Variants in KHDRBS2 observed in about 807,000 individuals in gnomAD.
KHDRBS2 encodes KH domain-containing, RNA-binding, signal transduction-associated protein 2.
In KHDRBS2, 26 loss-of-function variants were observed where a neutral mutation model predicts 44.3. The observed-to-expected ratio is 0.59, with a 90% CI of 0.43 to 0.81. The LOEUF (loss-of-function observed/expected upper bound fraction) is 0.81. Among genes scored for constraint, KHDRBS2 ranks in the 40% least tolerant of loss-of-function variants. The pLI, the probability that KHDRBS2 is intolerant of heterozygous loss-of-function variation, is 0.00. For missense variants in KHDRBS2, 476 were observed against 433.1 expected, an observed-to-expected ratio of 1.10 and a Z score of -0.88; for synonymous variants, 194 against 151.1, an observed-to-expected ratio of 1.28 and a Z score of -2.08.
At chr6:61,903,837 C>G (rs534881552) in intron 4 of KHDRBS2, among the ~76,000 whole-genome samples, 1 of 152,228 alleles carries the variant, frequency 6.6e-6, no homozygotes, top group South Asian at 2.1e-4. Context: ...AAGAAAGGCT[C>G]CAGTCATCCC....
At chr6:62,055,334 A>G (rs922323440) in intron 2 of KHDRBS2, among the ~76,000 whole-genome samples, 8 of 152,080 alleles carry the variant, frequency 5.3e-5, no homozygotes, top group Non-Finnish European at 7.4e-5. Context: ...TGAGAAATTC[A>G]ATCGCATTAT....
chr6:61,581,962 G>T, the KHDRBS2 span, among the ~76,000 whole-genome samples: 1 of 151,656 alleles, frequency 6.6e-6, no homozygotes, highest in South Asian at 2.1e-4. Flanking sequence ...AGTAACAAGG[G>T]TGTAAAGGGA....
At chr6:61,982,433 A>T (rs1774028184) in intron 3 of KHDRBS2, among the ~76,000 whole-genome samples, 1 of 152,038 alleles carries the variant, frequency 6.6e-6, no homozygotes, top group Non-Finnish European at 1.5e-5. Context: ...GCGCTTTGGG[A>T]GGCTGAGGAG....
intron 6 of KHDRBS2, among the ~76,000 whole-genome samples, chr6:61,822,614 T>C (rs1308542443): frequency 3.9e-5 from 6 of 152,030 alleles, no homozygotes. Flanking sequence ...GTCTAACTTC[T>C]TAAATCACCC....
intron 6 of KHDRBS2, among the ~76,000 whole-genome samples, chr6:61,798,689 G>T (rs1422294124): frequency 6.6e-6 from 1 of 151,846 alleles, no homozygotes; most frequent in African/African-American, 2.4e-5. Flanking sequence ...TTTGGGTAAG[G>T]AGGCATTTTA....
At chr6:62,103,424 G>T (rs1462815230) in intron 2 of KHDRBS2, among the ~76,000 whole-genome samples, 1 of 152,224 alleles carries the variant, frequency 6.6e-6, no homozygotes, top group African/African-American at 2.4e-5. Context: ...ACACTGGCTG[G>T]GCTGCCACAG....
chr6:61,947,214 G>T (rs538758926), intron 4 of KHDRBS2, among the ~76,000 whole-genome samples: 1 of 152,246 alleles, frequency 6.6e-6, no homozygotes, highest in South Asian at 2.1e-4. Flanking sequence ...CAAAATGGAG[G>T]TTCGTGCTCA....
chr6:62,182,296 G>C (rs548103736), intron 1 of KHDRBS2, among the ~76,000 whole-genome samples: 1 of 151,916 alleles, frequency 6.6e-6, no homozygotes, highest in Non-Finnish European at 1.5e-5. Flanking sequence ...TGGTGATGAC[G>C]GGGACTGAGA....
At chr6:62,117,026 T>C (rs991956715) in intron 2 of KHDRBS2, among the ~76,000 whole-genome samples, 1 of 152,220 alleles carries the variant, frequency 6.6e-6, no homozygotes, top group African/African-American at 2.4e-5. Context: ...ACCAATTACA[T>C]ATCTTGGCTA....
At chr6:61,597,773 T>TATATATATATATATAGAC in the KHDRBS2 span, among the ~76,000 whole-genome samples, 1 of 42,330 alleles carries the variant, frequency 2.4e-5, no homozygotes, top group Non-Finnish European at 4.8e-5. Context: ...TATATATATA[T>TATATATATATATATAGAC]ACACCAAGAT....
At chr6:62,102,791 T>C (rs1205480704) in intron 2 of KHDRBS2, among the ~76,000 whole-genome samples, 1 of 151,992 alleles carries the variant, frequency 6.6e-6, no homozygotes, top group Admixed American at 6.6e-5. Context: ...AATCTGGGAG[T>C]GTGTCACTGC....
At chr6:61,986,278 GTGGTTA>G (rs1162163433) in intron 3 of KHDRBS2, among the ~76,000 whole-genome samples, 1 of 152,172 alleles carries the variant, frequency 6.6e-6, no homozygotes, top group Admixed American at 6.5e-5. Context: ...TAACTTGGTT[GTGGTTA>G]TTCAGTTAGT....
At chr6:61,822,834 CAGAAG>C in intron 6 of KHDRBS2, among the ~76,000 whole-genome samples, 2 of 152,142 alleles carry the variant, frequency 1.3e-5, no homozygotes, top group Middle Eastern at 6.8e-3. Context: ...CACATCCCCT[CAGAAG>C]AGATCAGTGT....
chr6:61,747,145 T>G (rs1284172616), intron 6 of KHDRBS2, among the ~76,000 whole-genome samples: 2 of 152,146 alleles, frequency 1.3e-5, no homozygotes, highest in Non-Finnish European at 2.9e-5. Flanking sequence ...AGCTCATCAT[T>G]TCTTTGTGTT....
chr6:61,616,891 A>G, the KHDRBS2 span, among the ~76,000 whole-genome samples: 12 of 152,182 alleles, frequency 7.9e-5, no homozygotes, highest in African/African-American at 2.7e-4. Flanking sequence ...CTCATTTGGA[A>G]TATTATATTT....
intron 3 of KHDRBS2, among the ~76,000 whole-genome samples, chr6:62,026,942 G>T (rs894074826): frequency 4.6e-5 from 7 of 151,054 alleles, no homozygotes; most frequent in African/African-American, 1.7e-4. Context: ...GAATACTTTG[G>T]ATGTAGTTTC....
chr6:61,568,315 C>A, the KHDRBS2 span, among the ~76,000 whole-genome samples: 2 of 151,908 alleles, frequency 1.3e-5, no homozygotes, highest in Admixed American at 6.6e-5. Context: ...ATTTCTTTGG[C>A]TGCTCAGGCT....
intron 3 of KHDRBS2, among the ~76,000 whole-genome samples, chr6:61,985,079 C>T (rs72884453): frequency 0.21 from 31,243 of 151,922 alleles, 3,411 homozygotes; most frequent in Admixed American, 0.28. Flanking sequence ...TACTGGATAA[C>T]GGTATGGGCA....
At chr6:61,633,890 A>G in the KHDRBS2 span, among the ~76,000 whole-genome samples, 2 of 152,010 alleles carry the variant, frequency 1.3e-5, no homozygotes, top group Admixed American at 1.3e-4. Context: ...CTTACATAAT[A>G]CTCATTTGTA....
Sources: allele counts gnomAD v4.1 joint callset (sites outside exome capture counted in the v4.1 genomes callset), GRCh38; gene constraint gnomAD v4.1.1; transcripts MANE v1.5; gene names NCBI Gene and HGNC (gene_info 2026-07-23, HGNC 2026-07-21).